The following RBFOX1 variants were observed in gnomAD, a reference collection of about 807,000 sequenced individuals.
RBFOX1 encodes the protein RNA binding fox-1 homolog 1.
Under a neutral mutation model 57.7 loss-of-function variants are expected in RBFOX1, and 8 were observed. That is an observed-to-expected ratio of 0.14 (90% CI 0.08 to 0.25). RBFOX1 has a LOEUF of 0.25. Among genes scored for constraint, RBFOX1 ranks in the 10% least tolerant of loss-of-function variants. RBFOX1 has a pLI of 1.00. For synonymous variants in RBFOX1, 326 were observed against 222.4 expected (o/e 1.47, Z -4.15); for missense variants, 611 against 548.5 (o/e 1.11, Z -1.14).
At chr16:6,641,610 C>G (rs1221577618) in intron 2 of RBFOX1, among the ~76,000 whole-genome samples, 1 of 151,808 alleles carries the variant, frequency 6.6e-6, no homozygotes, top group Admixed American at 6.6e-5. Context: ...TGGTGGGTGC[C>G]TGTAATCCCA....
At chr16:5,820,346 A>G (rs2055800008) in intron 3 of RBFOX1, among the ~76,000 whole-genome samples, 1 of 152,210 alleles carries the variant, frequency 6.6e-6, no homozygotes, top group African/African-American at 2.4e-5. Context: ...CTGTCTTTAT[A>G]TAAATCCTGC....
chr16:7,654,656 A>G lies in RBFOX1; in HGVS notation c.890+709A>G, dbSNP rs149250554. On this transcript the variant is annotated intron_variant, in intron 12 of 15. Coordinates refer to ENST00000550418, the MANE Select transcript of RBFOX1 (RefSeq NM_018723.4). ...TCAGTAAAAGAAAAAAAAAAATGAT[A>G]CTGGTGTGTTTGGTGGCAGTCTTGA... Among the ~76,000 whole-genome samples the G allele has an allele frequency of 5.6e-3, 856 of 152,026 alleles. 7 individuals carry two copies. The highest frequency in any genetic ancestry group is 0.027 in the Middle Eastern group (8 of 292).
rs141767429 is a variant in RBFOX1 at position 7,403,018 on chromosome 16, C to T, written c.28-115129C>T. 1.4e-3 allele frequency among the ~76,000 whole-genome samples: 214 copies of T among 152,304 alleles called. 1 individual carries two copies. Among genetic ancestry groups the T allele is most frequent in the African/African-American group, 4.8e-3 (200 of 41,578 alleles). On this transcript the variant is annotated intron_variant, in intron 4 of 15. Transcript: ENST00000550418. ...AGGTGAACCTGGAACTCCCCGTTCACGATGCAGTTGTGGAATAAAATGAGG... is the reference window on the plus strand; with the variant it reads ...AGGTGAACCTGGAACTCCCCGTTCATGATGCAGTTGTGGAATAAAATGAGG...
intron 4 of RBFOX1, among the ~76,000 whole-genome samples, chr16:7,191,252 G>A (rs2085307463): frequency 6.6e-6 from 1 of 152,010 alleles, no homozygotes; most frequent in Non-Finnish European, 1.5e-5. Context: ...ATATTTGATG[G>A]GAGAAGTAAT....
At chr16:7,619,655 C>T (rs1196419491) in intron 10 of RBFOX1, among the ~76,000 whole-genome samples, 2 of 152,138 alleles carry the variant, frequency 1.3e-5, no homozygotes, top group East Asian at 1.9e-4. Context: ...GCTCTTACAG[C>T]ATCTTAGAGG....
At chr16:5,370,620 G>A (rs1478107077) in intron 1 of RBFOX1, among the ~76,000 whole-genome samples, 1 of 152,006 alleles carries the variant, frequency 6.6e-6, no homozygotes, top group Non-Finnish European at 1.5e-5. Flanking sequence ...AGCCTCCTAA[G>A]CAGCTGAGGC....
chr16:6,432,605 C>T (rs999391752), intron 2 of RBFOX1, among the ~76,000 whole-genome samples: 1 of 151,872 alleles, frequency 6.6e-6, no homozygotes, highest in African/African-American at 2.4e-5. Context: ...TTGCCTGAAC[C>T]CAGGAGGCGG....
In RBFOX1 at chr16:6,920,274, T is replaced by C. The variant is rs533119848; in HGVS notation, c.-15-131783T>C. On this transcript the variant is annotated intron_variant, in intron 3 of 15. Transcript: ENST00000550418. ...CATGTGTTTTTTTATATGACTTCTT[T>C]CCTTTGGTAGATATCCAGTAGTGGG... Among the ~76,000 whole-genome samples the C allele has an allele frequency of 2.0e-5, 3 of 152,314 alleles. No homozygotes were observed. The South Asian group carries it at 6.2e-4, about 32-fold the overall frequency.
intron 3 of RBFOX1, among the ~76,000 whole-genome samples, chr16:5,845,290 A>G (rs968981352): frequency 6.6e-6 from 1 of 152,148 alleles, no homozygotes; most frequent in Non-Finnish European, 1.5e-5. Context: ...TGTTCTGAAT[A>G]TTCATTTCCT....
At chr16:6,639,996 C>T (rs2098474244) in intron 2 of RBFOX1, among the ~76,000 whole-genome samples, 1 of 152,078 alleles carries the variant, frequency 6.6e-6, no homozygotes, top group Admixed American at 6.6e-5. Context: ...ACACTAACAC[C>T]CATATGATGA....
At chr16:7,075,322 G>C (rs1429360810) in intron 4 of RBFOX1, among the ~76,000 whole-genome samples, 1 of 152,228 alleles carries the variant, frequency 6.6e-6, no homozygotes, top group African/African-American at 2.4e-5. Flanking sequence ...ATAGAGCACT[G>C]AGAGGTTGCC....
At chr16:5,792,058 A>G (rs1227888878) in intron 3 of RBFOX1, among the ~76,000 whole-genome samples, 2 of 152,188 alleles carry the variant, frequency 1.3e-5, no homozygotes, top group Non-Finnish European at 2.9e-5. Flanking sequence ...GTCTTTGCCT[A>G]TAAAGCAAGC....
chr16:6,875,062 C>G (rs1008317436), intron 3 of RBFOX1, among the ~76,000 whole-genome samples: 1 of 151,812 alleles, frequency 6.6e-6, no homozygotes. Flanking sequence ...AAGAACAGGG[C>G]GAAAAAAATG....
At chr16:5,713,551 CTT>C (rs1338579312) in intron 3 of RBFOX1, among the ~76,000 whole-genome samples, 1 of 152,190 alleles carries the variant, frequency 6.6e-6, no homozygotes, top group Non-Finnish European at 1.5e-5. Flanking sequence ...AAGGATGCCT[CTT>C]TTAAGGTTCT....
chr16:6,756,618 T>C (rs1269930911), intron 3 of RBFOX1, among the ~76,000 whole-genome samples: 1 of 151,812 alleles, frequency 6.6e-6, no homozygotes, highest in Non-Finnish European at 1.5e-5. Context: ...TCCATAGCAA[T>C]AATAATAATA....
At chr16:6,835,514 G>C (rs1467681202) in intron 3 of RBFOX1, among the ~76,000 whole-genome samples, 2 of 151,982 alleles carry the variant, frequency 1.3e-5, no homozygotes, top group Non-Finnish European at 2.9e-5. Flanking sequence ...CACTTTGGGA[G>C]TCCAAGGTGG....
At chr16:6,492,812 G>C (rs1567425637) in intron 2 of RBFOX1, among the ~76,000 whole-genome samples, 1 of 152,180 alleles carries the variant, frequency 6.6e-6, no homozygotes, top group Non-Finnish European at 1.5e-5. Context: ...AAGATGTTAT[G>C]AGTGAGGAAG....
At chr16:7,269,978 T>G (rs2095277610) in intron 4 of RBFOX1, among the ~76,000 whole-genome samples, 1 of 152,256 alleles carries the variant, frequency 6.6e-6, no homozygotes, top group South Asian at 2.1e-4. Flanking sequence ...TTGCCCTGTT[T>G]AAACCTTCCC....
intron 4 of RBFOX1, among the ~76,000 whole-genome samples, chr16:7,240,297 G>A (rs11639822): frequency 0.65 from 99,185 of 151,796 alleles, 34,691 homozygotes; most frequent in African/African-American, 0.91. Flanking sequence ...TAATAATAAT[G>A]AATGTTTACG....
Sources: allele counts gnomAD v4.1 joint callset (sites outside exome capture counted in the v4.1 genomes callset), GRCh38; gene constraint gnomAD v4.1.1; transcripts MANE v1.5; gene names NCBI Gene and HGNC (gene_info 2026-07-23, HGNC 2026-07-21).